ADAMTSL3: variants seen among roughly 807,000 people sequenced by gnomAD.
ADAMTSL3 encodes ADAMTS-like protein 3.
ADAMTSL3 carries 128 observed loss-of-function variants against 201.7 expected under a neutral mutation model. The observed-to-expected ratio is 0.63, with a 90% CI of 0.55 to 0.73. ADAMTSL3 has a LOEUF of 0.73. Among genes scored for constraint, ADAMTSL3 ranks in the 30% least tolerant of loss-of-function variants. The pLI is 0.00. For synonymous variants in ADAMTSL3, 738 were observed against 748.4 expected (o/e 0.99, Z 0.23); for missense variants, 1,990 against 2,119.6 (o/e 0.94, Z 1.20).
intron 2 of ADAMTSL3, among the ~76,000 whole-genome samples, chr15:83,697,736 C>A (rs2061704935): frequency 6.6e-6 from 1 of 152,146 alleles, no homozygotes; most frequent in Non-Finnish European, 1.5e-5. Context: ...ACTCCCTGAA[C>A]CCAATCCTTC....
rs1305195031 is a variant in ADAMTSL3 at position 83,822,643 on chromosome 15, C to T, written c.600+2596C>T. ...CTCACTTCCTAGATGGGATGGTGGC[C>T]GGGAAGAGGCACTCCTCACTTCCTA... On this transcript the variant is annotated intron_variant, in intron 6 of 29. Transcript: ENST00000286744. Among the ~76,000 whole-genome samples the T allele has an allele frequency of 3.4e-3, 516 of 150,856 alleles. 2 individuals carry two copies. Among genetic ancestry groups the T allele is most frequent in the African/African-American group, 0.012 (486 of 40,910 alleles).
chr15:83,828,139 T>C (rs1213632598), intron 6 of ADAMTSL3, among the ~76,000 whole-genome samples: 1 of 152,210 alleles, frequency 6.6e-6, no homozygotes, highest in Non-Finnish European at 1.5e-5. Flanking sequence ...TTTCACGATA[T>C]TGATTCTTCC....
At chr15:84,034,128 G>A (rs2068456228) in intron 28 of ADAMTSL3, among the ~76,000 whole-genome samples, 1 of 152,104 alleles carries the variant, frequency 6.6e-6, no homozygotes, top group Non-Finnish European at 1.5e-5. Context: ...GTGGTTTATG[G>A]ATGAGGGATG....
chr15:83,918,351 A>G (rs1008573223), intron 16 of ADAMTSL3, among the ~76,000 whole-genome samples: 6 of 152,232 alleles, frequency 3.9e-5, no homozygotes, highest in Non-Finnish European at 8.8e-5. Flanking sequence ...CTGAACTCTA[A>G]TAGGAAAAAT....
At chr15:83,915,079 C>T (rs1052039318) in intron 16 of ADAMTSL3, among the ~76,000 whole-genome samples, 4 of 152,174 alleles carry the variant, frequency 2.6e-5, no homozygotes, top group Non-Finnish European at 5.9e-5. Flanking sequence ...CCAGCTGTCT[C>T]CATTGCTTCT....
intron 16 of ADAMTSL3, among the ~76,000 whole-genome samples, chr15:83,916,342 T>C (rs1383901595): frequency 6.6e-6 from 1 of 152,150 alleles, no homozygotes. Context: ...ATTATTGAAA[T>C]GAGCCTTGGA....
intron 23 of ADAMTSL3, among the ~76,000 whole-genome samples, chr15:84,003,821 G>A (rs1417818410): frequency 2.0e-5 from 3 of 152,116 alleles, no homozygotes; most frequent in Non-Finnish European, 4.4e-5. Context: ...AAAACACAGG[G>A]AACCGTCAGA....
At chr15:83,938,359 A>T (rs2066497298) in intron 17 of ADAMTSL3, among the ~76,000 whole-genome samples, 1 of 152,192 alleles carries the variant, frequency 6.6e-6, no homozygotes, top group Non-Finnish European at 1.5e-5. Flanking sequence ...TATGATAAGC[A>T]GCTTGTCACA....
chr15:83,789,045 A>G (rs375241220), intron 4 of ADAMTSL3, among the ~76,000 whole-genome samples: 2 of 152,248 alleles, frequency 1.3e-5, no homozygotes, highest in East Asian at 3.9e-4. Context: ...TCCTGACCTC[A>G]GGTGATCTGC....
chr15:83,779,087 AAC>A (rs2063125296), intron 4 of ADAMTSL3, among the ~76,000 whole-genome samples: 2 of 152,250 alleles, frequency 1.3e-5, no homozygotes, highest in South Asian at 4.1e-4. Context: ...ATATGCACCC[AAC>A]ACAGCAGCAC....
intron 6 of ADAMTSL3, among the ~76,000 whole-genome samples, chr15:83,833,309 T>A (rs547354051): frequency 6.6e-6 from 1 of 152,186 alleles, no homozygotes; most frequent in South Asian, 2.1e-4. Flanking sequence ...AGATTCAGTG[T>A]CTGGTGAGGG....
intron 19 of ADAMTSL3, among the ~76,000 whole-genome samples, chr15:83,955,626 G>A (rs1386327863): frequency 6.6e-6 from 1 of 152,076 alleles, no homozygotes; most frequent in Non-Finnish European, 1.5e-5. Context: ...TTAGTTAGCA[G>A]ATAATTAATG....
At chr15:83,762,850 T>C (rs977861946) in intron 3 of ADAMTSL3, among the ~76,000 whole-genome samples, 2 of 152,012 alleles carry the variant, frequency 1.3e-5, no homozygotes, top group Non-Finnish European at 2.9e-5. Flanking sequence ...CTGTGAAGAA[T>C]CTTATATCAG....
At position 83,858,749 on chromosome 15, in the gene ADAMTSL3, G is replaced by A. The variant is rs767546793; in HGVS notation, c.728-17G>A. On this transcript the variant is annotated splice_polypyrimidine_tract_variant and intron_variant, in intron 7 of 29. Coordinates refer to ENST00000286744, the MANE Select transcript of ADAMTSL3 (RefSeq NM_207517.3). Reference sequence around the variant, plus strand: ...AGTGTACTGGTTTTATTGCAGTTGCGTTCTGTTCTTTCCCAGGAGAAGAAA... The same window carrying A: ...AGTGTACTGGTTTTATTGCAGTTGCATTCTGTTCTTTCCCAGGAGAAGAAA... The A allele has an allele frequency of 3.4e-5, 54 of 1,606,816 alleles. No homozygotes were observed. The highest frequency in any genetic ancestry group is 1.0e-4 in the Admixed American group (6 of 59,044).
At chr15:83,886,492 G>C (rs2065393737) in intron 10 of ADAMTSL3, among the ~76,000 whole-genome samples, 2 of 152,174 alleles carry the variant, frequency 1.3e-5, no homozygotes, top group Non-Finnish European at 2.9e-5. Context: ...CTAGTAAACA[G>C]TGCAGCTAGG....
intron 3 of ADAMTSL3, among the ~76,000 whole-genome samples, chr15:83,714,799 CTT>C (rs1213456352): frequency 1.5e-5 from 2 of 132,776 alleles, no homozygotes; most frequent in Non-Finnish European, 3.3e-5. Context: ...CTTTCTCTCT[CTT>C]TCTTTCTTCT....
intron 5 of ADAMTSL3, among the ~76,000 whole-genome samples, chr15:83,818,986 C>T (rs541071874): frequency 5.3e-5 from 8 of 152,016 alleles, no homozygotes; most frequent in African/African-American, 9.7e-5. Context: ...TTAAAAACAA[C>T]GACAGGCCGG....
intron 11 of ADAMTSL3, chr15:83,891,060 A>G (rs2065490127): frequency 2.8e-6 from 1 of 362,152 alleles, no homozygotes; most frequent in Non-Finnish European, 5.0e-6. Flanking sequence ...AATTTATTGA[A>G]ATTGCAAGAT....
chr15:83,763,567 C>T (rs1221743455), intron 3 of ADAMTSL3, among the ~76,000 whole-genome samples: 2 of 150,528 alleles, frequency 1.3e-5, no homozygotes, highest in African/African-American at 2.5e-5. Flanking sequence ...TGCAATGGCA[C>T]GATCTCGGCT....
Sources: allele counts gnomAD v4.1 joint callset (sites outside exome capture counted in the v4.1 genomes callset), GRCh38; gene constraint gnomAD v4.1.1; transcripts MANE v1.5; gene names NCBI Gene and HGNC (gene_info 2026-07-23, HGNC 2026-07-21).